Variants in GMDS observed in about 807,000 individuals in gnomAD.
GMDS encodes GDP-mannose 4,6-dehydratase, also known as GDP-mannose 4,6 dehydratase.
Under a neutral mutation model 49.9 loss-of-function variants are expected in GMDS, and 20 were observed. The ratio of observed to expected loss-of-function variants is 0.40; its 90% confidence interval spans 0.28 to 0.58. The LOEUF (loss-of-function observed/expected upper bound fraction) is 0.58. GMDS is among the 20% of genes least tolerant of loss of function. The pLI is 0.42. For synonymous variants in GMDS, 177 were observed against 178.6 expected (o/e 0.99, Z 0.07); for missense variants, 362 against 481.4 (o/e 0.75, Z 2.32).
At chr6:1,891,500 G>A (rs1051852687) in intron 7 of GMDS, among the ~76,000 whole-genome samples, 7 of 152,200 alleles carry the variant, frequency 4.6e-5, no homozygotes, top group Admixed American at 4.6e-4. Flanking sequence ...CAGTCCTGGA[G>A]GATTCAAAAA....
intron 6 of GMDS, among the ~76,000 whole-genome samples, chr6:1,958,203 G>A (rs1031051714): frequency 1.3e-5 from 2 of 151,742 alleles, no homozygotes; most frequent in Non-Finnish European, 2.9e-5. Flanking sequence ...GAGAGAATTA[G>A]GGGGAGTTAT....
intron 7 of GMDS, among the ~76,000 whole-genome samples, chr6:1,820,082 C>T (rs183984012): frequency 6.6e-6 from 1 of 151,948 alleles, no homozygotes; most frequent in Non-Finnish European, 1.5e-5. Flanking sequence ...TGTACATTTT[C>T]TAGTTTTTCT....
chr6:1,810,754 C>A (rs1581208096), intron 7 of GMDS, among the ~76,000 whole-genome samples: 1 of 152,164 alleles, frequency 6.6e-6, no homozygotes, highest in East Asian at 1.9e-4. Flanking sequence ...TGCAGACAAG[C>A]AGGCCAATGG....
chr6:1,938,852 T>C (rs1230684053), intron 6 of GMDS, among the ~76,000 whole-genome samples: 1 of 152,096 alleles, frequency 6.6e-6, no homozygotes, highest in Non-Finnish European at 1.5e-5. Flanking sequence ...TTATCTGTAA[T>C]AGTCTGGGTT....
At chr6:1,909,637 C>T (rs1475150055) in intron 7 of GMDS, among the ~76,000 whole-genome samples, 2 of 152,170 alleles carry the variant, frequency 1.3e-5, no homozygotes, top group African/African-American at 4.8e-5. Context: ...ATGCTGGCTA[C>T]AGCCACTCCA....
intron 1 of GMDS, among the ~76,000 whole-genome samples, chr6:2,242,296 T>C (rs1186049652): frequency 6.6e-6 from 1 of 152,100 alleles, no homozygotes; most frequent in Non-Finnish European, 1.5e-5. Context: ...CATTAGCCAA[T>C]GGGGGTGAGC....
At chr6:2,006,092 T>C (rs1253817945) in intron 4 of GMDS, among the ~76,000 whole-genome samples, 1 of 152,070 alleles carries the variant, frequency 6.6e-6, no homozygotes, top group Non-Finnish European at 1.5e-5. Flanking sequence ...TCCACCTGAA[T>C]GCCCTCACCT....
At chr6:1,751,263 G>A (rs529610020) in intron 7 of GMDS, among the ~76,000 whole-genome samples, 79 of 152,312 alleles carry the variant, frequency 5.2e-4, no homozygotes, top group Admixed American at 1.6e-3. Context: ...CCTGACCCCC[G>A]TGCCTCCTGA....
At chr6:2,015,980 G>C (rs1767867273) in intron 4 of GMDS, among the ~76,000 whole-genome samples, 1 of 149,690 alleles carries the variant, frequency 6.7e-6, no homozygotes, top group Non-Finnish European at 1.5e-5. Flanking sequence ...GCACAGGTCT[G>C]TAATCCCAGC....
At chr6:2,117,873 C>CT (rs1356617784) in intron 2 of GMDS, among the ~76,000 whole-genome samples, 3 of 152,304 alleles carry the variant, frequency 2.0e-5, no homozygotes, top group African/African-American at 7.2e-5. Context: ...ACAAAAATAT[C>CT]TTTTCCATTT....
intron 1 of GMDS, among the ~76,000 whole-genome samples, chr6:2,218,680 A>G (rs1384987558): frequency 6.6e-6 from 1 of 152,206 alleles, no homozygotes; most frequent in Admixed American, 6.5e-5. Flanking sequence ...TAATATGCAC[A>G]ATTGTAATTA....
rs1257355582 is a variant in GMDS, at chr6:1,668,720, ACAAAC to A, written c.988-44185_988-44181del. ...AGACTCTGTCTAAACAAACAAACAA[ACAAAC>A]AAAAAAAACCACTGGGAATAAAAAG... On this transcript the variant is annotated intron_variant, in intron 9 of 10. Coordinates refer to ENST00000380815, the MANE Select transcript of GMDS (RefSeq NM_001500.4). Among the ~76,000 whole-genome samples, 9 of 144,970 alleles carry A rather than the reference ACAAAC, an allele frequency of 6.2e-5. No individual in the cohort carries two copies. The East Asian group carries it at 2.4e-3, about 38-fold the overall frequency.
At chr6:1,865,271 A>C (rs1386553710) in intron 7 of GMDS, among the ~76,000 whole-genome samples, 1 of 152,202 alleles carries the variant, frequency 6.6e-6, no homozygotes, top group Non-Finnish European at 1.5e-5. Flanking sequence ...TCTCCAACCT[A>C]GCAGATTTGT....
chr6:1,713,705 G>A (rs985053828), intron 9 of GMDS, among the ~76,000 whole-genome samples: 2 of 152,080 alleles, frequency 1.3e-5, no homozygotes, highest in Non-Finnish European at 2.9e-5. Context: ...TCAATTTGGC[G>A]GCATGAAGCA....
intron 7 of GMDS, among the ~76,000 whole-genome samples, chr6:1,850,310 T>C (rs775962660): frequency 1.3e-5 from 2 of 152,234 alleles, no homozygotes; most frequent in Non-Finnish European, 2.9e-5. Context: ...CTCATTATTA[T>C]GGACCTAAGT....
intron 4 of GMDS, among the ~76,000 whole-genome samples, chr6:1,995,578 C>T (rs1242231054): frequency 6.6e-6 from 1 of 152,174 alleles, no homozygotes; most frequent in African/African-American, 2.4e-5. Context: ...ACTAGAGATC[C>T]TGCACTTAGG....
chr6:2,224,136 G>A (rs1244485337), intron 1 of GMDS, among the ~76,000 whole-genome samples: 1 of 152,210 alleles, frequency 6.6e-6, no homozygotes, highest in Non-Finnish European at 1.5e-5. Context: ...ACAGTTTAGG[G>A]TAGGATGGGG....
intron 9 of GMDS, among the ~76,000 whole-genome samples, chr6:1,626,592 T>C (rs1762855013): frequency 6.6e-6 from 1 of 152,240 alleles, no homozygotes; most frequent in Non-Finnish European, 1.5e-5. Context: ...CCCTCCCCTC[T>C]CTCAATCCTA....
At chr6:2,000,000 A>AT in intron 4 of GMDS, among the ~76,000 whole-genome samples, 1 of 17,480 alleles carries the variant, frequency 5.7e-5, no homozygotes, top group Non-Finnish European at 1.2e-4. Context: ...TATATATTAT[A>AT]TATATATATT....
Sources: gnomAD v4.1 joint callset for allele counts (sites outside exome capture counted in the v4.1 genomes callset) on GRCh38, gnomAD v4.1.1 for gene constraint, MANE v1.5 for transcripts, NCBI Gene and HGNC (gene_info 2026-07-23, HGNC 2026-07-21) for gene names.